Variants in NRP1 observed in about 807,000 individuals in gnomAD.
NRP1 encodes neuropilin 1, also known as neuropilin-1.
NRP1 carries 35 observed loss-of-function variants against 106.7 expected under a neutral mutation model. The ratio of observed to expected loss-of-function variants is 0.33; its 90% CI spans 0.25 to 0.43. The LOEUF (loss-of-function observed/expected upper bound fraction) is 0.43, where lower values mean the gene tolerates loss of function less well. Among genes scored for constraint, NRP1 ranks in the 20% least tolerant of loss-of-function variants. The pLI is 1.00. For synonymous variants in NRP1, 437 were observed against 417.9 expected, an observed-to-expected ratio of 1.05 and a Z score of -0.56; for missense variants, 1,024 against 1,170.4, an observed-to-expected ratio of 0.87 and a Z score of 1.83.
intron 2 of NRP1, among the ~76,000 whole-genome samples, chr10:33,322,954 A>G (rs2776922): frequency 0.77 from 117,202 of 152,118 alleles, 46,386 homozygotes; most frequent in East Asian, 0.9. Context: ...CGCAGCAACT[A>G]TTTATTTGGG....
In NRP1 at chr10:33,334,452, G is replaced by T; in HGVS notation, c.-70C>A. 7.3e-7 allele frequency: 1 copy of T among 1,368,976 alleles called. No homozygotes were observed. The highest frequency in any genetic ancestry group is 1.0e-6 in the Non-Finnish European group (1 of 994,072). 84.8% of individuals were successfully genotyped at this position (1,368,976 alleles called of 1,614,324 possible). On this transcript the variant is annotated 5_prime_UTR_variant, in exon 1 of 17. Transcript: ENST00000374867. Reference sequence around the variant, plus strand: ...GTGGGGGGAAATGCAGCAAAGAGGAGAATCTAAGCGATCCGAAGAGCCCCA... The same window carrying T: ...GTGGGGGGAAATGCAGCAAAGAGGATAATCTAAGCGATCCGAAGAGCCCCA...
intron 8 of NRP1, among the ~76,000 whole-genome samples, chr10:33,220,194 T>A (rs1294714357): frequency 6.6e-6 from 1 of 152,214 alleles, no homozygotes; most frequent in African/African-American, 2.4e-5. Flanking sequence ...CAAGTATAGT[T>A]TTTCCTGTTC....
chr10:33,263,623 G>C (rs1234203629), intron 4 of NRP1, 23 bp downstream of exon 4: 6 of 1,568,288 alleles, frequency 3.8e-6, no homozygotes, highest in Non-Finnish European at 5.3e-6. Flanking sequence ...TTCCCTTTTT[G>C]GGGTGCTTCC....
At chr10:33,259,038 C>G (rs899615784) in intron 4 of NRP1, among the ~76,000 whole-genome samples, 5 of 152,184 alleles carry the variant, frequency 3.3e-5, no homozygotes, top group Admixed American at 1.3e-4. Flanking sequence ...GCTGACCTCC[C>G]CCAGAATACA....
chr10:33,293,469 G>C (rs950436352), intron 2 of NRP1, among the ~76,000 whole-genome samples: 3 of 152,058 alleles, frequency 2.0e-5, no homozygotes, highest in Non-Finnish European at 4.4e-5. Context: ...AAACTGTCAC[G>C]GACCGGAATT....
intron 8 of NRP1, among the ~76,000 whole-genome samples, chr10:33,220,849 C>T (rs1041221723): frequency 5.7e-5 from 7 of 123,736 alleles, no homozygotes; most frequent in Admixed American, 2.0e-4. Context: ...TGCCATGAGC[C>T]AAAATCATGT....
In NRP1 at chr10:33,207,352, A is replaced by G. The variant is rs61760421; in HGVS notation, c.1759+220T>C. On this transcript the variant is annotated intron_variant, in intron 10 of 16. Coordinates refer to ENST00000374867, the MANE Select transcript of NRP1 (RefSeq NM_003873.7). ...AAGAGAGACAATCTCATATAATCCG[A>G]GGAGAGTCATGCAAACAACCCAAGA... Among the ~76,000 whole-genome samples the G allele has an allele frequency of 9.5e-3, 1,437 of 151,984 alleles. 16 individuals carry two copies. Among genetic ancestry groups the G allele is most frequent in the Non-Finnish European group, 0.012 (832 of 67,976 alleles).
chr10:33,242,798 A>C (rs1254250153), intron 6 of NRP1, among the ~76,000 whole-genome samples: 1 of 152,174 alleles, frequency 6.6e-6, no homozygotes, highest in Non-Finnish European at 1.5e-5. Flanking sequence ...CATCAGCTTT[A>C]GCCCTAGGTA....
chr10:33,297,721 C>A (rs947641233), intron 2 of NRP1, among the ~76,000 whole-genome samples: 1 of 150,974 alleles, frequency 6.6e-6, no homozygotes, highest in African/African-American at 2.4e-5. Flanking sequence ...CATCTTGTTC[C>A]AAGAAACCTA....
intron 11 of NRP1, chr10:33,202,572 G>C: frequency 7.1e-7 from 1 of 1,412,766 alleles, no homozygotes; most frequent in Non-Finnish European, 9.3e-7. Flanking sequence ...GTTATTGGGG[G>C]GGGGTCTGAA....
chr10:33,312,904 C>T (rs1352533006), intron 2 of NRP1, among the ~76,000 whole-genome samples: 5 of 152,046 alleles, frequency 3.3e-5, no homozygotes, highest in East Asian at 1.9e-4. Flanking sequence ...TGATCAAATC[C>T]GAGTTTGGGT....
intron 2 of NRP1, among the ~76,000 whole-genome samples, chr10:33,321,213 C>T (rs117603712): frequency 0.03 from 4,509 of 152,292 alleles, 114 homozygotes; most frequent in Non-Finnish European, 0.046. Context: ...TCTCGAACTC[C>T]TGACCTCACT....
intron 9 of NRP1, among the ~76,000 whole-genome samples, chr10:33,209,357 G>T (rs572701601): frequency 6.6e-6 from 1 of 152,320 alleles, no homozygotes; most frequent in South Asian, 2.1e-4. Flanking sequence ...TTGCCCCATG[G>T]CCATACACAC....
intron 3 of NRP1, among the ~76,000 whole-genome samples, chr10:33,268,703 A>G (rs894548092): frequency 4.6e-5 from 7 of 152,228 alleles, no homozygotes; most frequent in African/African-American, 1.7e-4. Context: ...TGATAGTGCC[A>G]CATACAGGTA....
chr10:33,246,737 T>C (rs1841460150), intron 6 of NRP1, among the ~76,000 whole-genome samples: 1 of 152,200 alleles, frequency 6.6e-6, no homozygotes, highest in African/African-American at 2.4e-5. Flanking sequence ...AGTTCTCTAC[T>C]TACAGATTTA....
chr10:33,177,539 T>C lies in NRP1; in HGVS notation c.*2537A>G, dbSNP rs1835453540. The stretch of plus-strand genomic sequence containing the variant: ...TTAATTCAACTGTTTCTTTGGAATG[T>C]AGTAGTCATAGTTTGGAATTTAAGT... On this transcript the variant is annotated 3_prime_UTR_variant, in exon 17 of 17. Transcript: ENST00000374867. 6.6e-6 allele frequency: 1 copy of C among 152,654 alleles called. No individual in the cohort carries two copies. The highest frequency in any genetic ancestry group is 2.4e-5 in the African/African-American group (1 of 41,474). The allele number at this position is 152,654 out of a possible 1,614,324, so 9.5% of individuals were successfully genotyped here.
At chr10:33,305,466 G>A (rs1846083763) in intron 2 of NRP1, among the ~76,000 whole-genome samples, 4 of 152,096 alleles carry the variant, frequency 2.6e-5, no homozygotes, top group Admixed American at 2.6e-4. Context: ...TGCATTACCT[G>A]GAAAAGTAAG....
At chr10:33,255,383 G>T (rs1461243434) in intron 5 of NRP1, among the ~76,000 whole-genome samples, 3 of 152,122 alleles carry the variant, frequency 2.0e-5, no homozygotes, top group Non-Finnish European at 4.4e-5. Flanking sequence ...AACACCCCCT[G>T]TCCTCTCCCT....
In NRP1 at chr10:33,276,842, AG is replaced by A. The variant is rs1588902524; in HGVS notation, c.249-5987del. On this transcript the variant is annotated intron_variant, in intron 2 of 16. Coordinates refer to ENST00000374867, the MANE Select transcript of NRP1 (RefSeq NM_003873.7). ...ACAAAGATTTATTGAAAGGACTACA[AG>A]AAATAAGACAAAATAAGCCCTGGAT... Among the ~76,000 whole-genome samples the A allele has an allele frequency of 2.0e-5, 3 of 152,334 alleles. No homozygotes were observed. In the East Asian group the frequency reaches 5.8e-4, roughly 29 times the overall value.
Sources: allele counts gnomAD v4.1 joint callset (sites outside exome capture counted in the v4.1 genomes callset), GRCh38; gene constraint gnomAD v4.1.1; transcripts MANE v1.5; gene names NCBI Gene and HGNC (gene_info 2026-07-23, HGNC 2026-07-21).